Variants in PACRG observed in about 807,000 individuals in gnomAD.
The protein encoded by PACRG is parkin coregulated gene protein.
A neutral mutation model predicts 29.7 loss-of-function variants in PACRG; 29 were observed. The observed-to-expected ratio is 0.98, with a 90% CI of 0.73 to 1.33. PACRG has a LOEUF of 1.33. Among genes scored for constraint, PACRG ranks in the 40% most tolerant of loss-of-function variants. The pLI is 0.00. For missense variants in PACRG, 279 were observed against 316.2 expected (o/e 0.88, Z 0.89); for synonymous variants, 116 against 118.7 (o/e 0.98, Z 0.15).
At chr6:163,186,183 G>A (rs950783510) in intron 4 of PACRG, among the ~76,000 whole-genome samples, 5 of 152,136 alleles carry the variant, frequency 3.3e-5, no homozygotes, top group African/African-American at 1.2e-4. Context: ...CTTTTCTCTG[G>A]CAGGCTTTCA....
At chr6:163,239,047 G>T (rs1398480497) in intron 4 of PACRG, among the ~76,000 whole-genome samples, 1 of 152,150 alleles carries the variant, frequency 6.6e-6, no homozygotes, top group African/African-American at 2.4e-5. Flanking sequence ...TGTGGTAAAA[G>T]CTTGTGAAAG....
At chr6:163,037,936 A>T (rs760833474) in intron 2 of PACRG, among the ~76,000 whole-genome samples, 3 of 152,250 alleles carry the variant, frequency 2.0e-5, no homozygotes, top group Non-Finnish European at 2.9e-5. Flanking sequence ...GTACCCACTT[A>T]ATGATTATTC....
At chr6:163,094,112 C>G (rs2128306384) in intron 4 of PACRG, among the ~76,000 whole-genome samples, 1 of 152,316 alleles carries the variant, frequency 6.6e-6, no homozygotes, top group South Asian at 2.1e-4. Context: ...ATGCTCTTTT[C>G]AAACGTTGAT....
At chr6:163,312,499 C>T (rs916043328) in intron 4 of PACRG, among the ~76,000 whole-genome samples, 16 of 149,620 alleles carry the variant, frequency 1.1e-4, no homozygotes, top group African/African-American at 3.6e-4. Flanking sequence ...CAAAGTCCTT[C>T]GTGGAAGGCT....
chr6:162,975,296 T>C (rs1801857334), intron 2 of PACRG, among the ~76,000 whole-genome samples: 1 of 152,194 alleles, frequency 6.6e-6, no homozygotes, highest in Non-Finnish European at 1.5e-5. Flanking sequence ...TAAAAGACAA[T>C]ATTGTAAATA....
At position 163,163,040 on chromosome 6, in the gene PACRG, G is replaced by A. The variant is rs533410876; in HGVS notation, c.613+73632G>A. Reference sequence around the variant, plus strand: ...TGGAATCGTGTCCTAACCAAGTTTCGTTAGGAAATGTGTGCAACTTCGCTG... The same window carrying A: ...TGGAATCGTGTCCTAACCAAGTTTCATTAGGAAATGTGTGCAACTTCGCTG... On this transcript the variant is annotated intron_variant, in intron 4 of 4. Coordinates refer to ENST00000366888, the MANE Select transcript of PACRG (RefSeq NM_001080379.2). Among the ~76,000 whole-genome samples, 51 of 152,306 alleles carry A rather than the reference G, an allele frequency of 3.3e-4. 1 individual carries two copies. Among genetic ancestry groups the A allele is most frequent in the African/African-American group, 1.1e-3 (46 of 41,558 alleles).
intron 4 of PACRG, among the ~76,000 whole-genome samples, chr6:163,152,108 T>C (rs1424784146): frequency 1.3e-5 from 2 of 152,224 alleles, no homozygotes; most frequent in Admixed American, 6.5e-5. Context: ...AGCTCAATTC[T>C]CATCAGCATT....
chr6:162,950,157 G>C (rs1167820300), intron 2 of PACRG, among the ~76,000 whole-genome samples: 1 of 151,898 alleles, frequency 6.6e-6, no homozygotes, highest in East Asian at 1.9e-4. Context: ...TGAACATTTT[G>C]ATTTTTATGT....
At chr6:163,237,943 A>C (rs1782317546) in intron 4 of PACRG, among the ~76,000 whole-genome samples, 1 of 152,236 alleles carries the variant, frequency 6.6e-6, no homozygotes, top group African/African-American at 2.4e-5. Context: ...ATCCTGTCAG[A>C]AGATATATCC....
chr6:163,255,958 G>A (rs1418816274), intron 4 of PACRG, among the ~76,000 whole-genome samples: 2 of 152,094 alleles, frequency 1.3e-5, no homozygotes, highest in African/African-American at 4.8e-5. Context: ...TGGAAGCAAG[G>A]GGGCACAAAT....
intron 2 of PACRG, among the ~76,000 whole-genome samples, chr6:162,815,816 C>T (rs1787287581): frequency 6.6e-6 from 1 of 151,814 alleles, no homozygotes; most frequent in South Asian, 2.1e-4. Flanking sequence ...TGTACTGGCT[C>T]CAAGATAATA....
chr6:163,100,141 CG>C (rs1169825997), intron 4 of PACRG, among the ~76,000 whole-genome samples: 1 of 152,004 alleles, frequency 6.6e-6, no homozygotes, highest in Non-Finnish European at 1.5e-5. Context: ...GAGGCGGCTA[CG>C]GCTCGGCCCG....
intron 4 of PACRG, among the ~76,000 whole-genome samples, chr6:163,143,840 C>T (rs375384710): frequency 6.6e-5 from 10 of 151,870 alleles, no homozygotes; most frequent in East Asian, 3.9e-4. Flanking sequence ...TGAGAGGGGA[C>T]GGGGAGGAAA....
intron 1 of PACRG, among the ~76,000 whole-genome samples, chr6:162,764,569 A>T (rs1367134675): frequency 7.9e-5 from 12 of 152,072 alleles, no homozygotes; most frequent in Admixed American, 7.9e-4. Flanking sequence ...GAGATAGAAG[A>T]TATAATTTCT....
chr6:163,252,559 G>C (rs188272205), intron 4 of PACRG, among the ~76,000 whole-genome samples: 8 of 152,306 alleles, frequency 5.3e-5, no homozygotes, highest in African/African-American at 1.7e-4. Context: ...AGTGCTGCAG[G>C]CGGGGCTCAC....
chr6:163,008,806 C>G (rs527333502), intron 2 of PACRG, among the ~76,000 whole-genome samples: 1 of 151,880 alleles, frequency 6.6e-6, no homozygotes, highest in African/African-American at 2.4e-5. Context: ...AACAGAACAT[C>G]CATACATGTC....
chr6:162,961,475 A>C (rs1277887338), intron 2 of PACRG, among the ~76,000 whole-genome samples: 3 of 152,164 alleles, frequency 2.0e-5, no homozygotes, highest in Non-Finnish European at 2.9e-5. Flanking sequence ...CTGCAGATCC[A>C]TCTCCTCCTG....
chr6:162,837,038 A>G (rs1164780033), intron 2 of PACRG, among the ~76,000 whole-genome samples: 5 of 152,078 alleles, frequency 3.3e-5, no homozygotes, highest in East Asian at 1.9e-4. Context: ...TTTTTTAACA[A>G]TGGTTGACCT....
At chr6:163,048,556 CTG>C (rs1309555781) in intron 2 of PACRG, among the ~76,000 whole-genome samples, 1 of 152,092 alleles carries the variant, frequency 6.6e-6, no homozygotes, top group Non-Finnish European at 1.5e-5. Context: ...AGATTGAACT[CTG>C]TGGTTTTCGT....
Sources: allele counts gnomAD v4.1 joint callset (sites outside exome capture counted in the v4.1 genomes callset), GRCh38; gene constraint gnomAD v4.1.1; transcripts MANE v1.5; gene names NCBI Gene and HGNC (gene_info 2026-07-23, HGNC 2026-07-21).